DCLK1: variants seen among roughly 807,000 people sequenced by gnomAD.
The protein encoded by DCLK1 is serine/threonine-protein kinase DCLK1.
DCLK1 carries 16 observed loss-of-function variants against 86.2 expected under a neutral mutation model. The observed-to-expected ratio is 0.19, with a 90% CI of 0.13 to 0.28. The LOEUF (loss-of-function observed/expected upper bound fraction) is 0.28. Ranked by LOEUF, DCLK1 falls within the 10% of genes least tolerant of loss-of-function variation. The probability of loss-of-function intolerance (pLI) is 1.00; values close to 1 mark genes in which losing one functional copy is unlikely to be tolerated. For missense variants in DCLK1, 590 were observed against 940.2 expected, an observed-to-expected ratio of 0.63 and a Z score of 4.87; for synonymous variants, 369 against 370.5, an observed-to-expected ratio of 1.00 and a Z score of 0.05.
chr13:35,798,244 G>A (rs2086851406), intron 15 of DCLK1, among the ~76,000 whole-genome samples: 1 of 152,214 alleles, frequency 6.6e-6, no homozygotes, highest in Admixed American at 6.5e-5. Context: ...GGGAACGGAT[G>A]TGAAGTCACT....
chr13:36,014,441 T>TC (rs1881449353), intron 3 of DCLK1, among the ~76,000 whole-genome samples: 1 of 150,540 alleles, frequency 6.6e-6, no homozygotes, highest in Admixed American at 6.7e-5. Context: ...ATAAAAACTG[T>TC]TTTTTTTTAC....
chr13:36,106,177 G>T (rs1885389403), intron 3 of DCLK1, among the ~76,000 whole-genome samples: 1 of 151,574 alleles, frequency 6.6e-6, no homozygotes, highest in South Asian at 2.1e-4. Flanking sequence ...ACCCATAATT[G>T]ATCACATCCT....
At chr13:35,978,935 C>A (rs9531304) in intron 3 of DCLK1, among the ~76,000 whole-genome samples, 14,500 of 152,220 alleles carry the variant, frequency 0.095, 839 homozygotes, top group East Asian at 0.2. Flanking sequence ...GTAATAACCA[C>A]CAATTATTGA....
At chr13:35,781,959 T>A (rs1255209321) in intron 16 of DCLK1, among the ~76,000 whole-genome samples, 2 of 152,174 alleles carry the variant, frequency 1.3e-5, no homozygotes, top group Non-Finnish European at 2.9e-5. Context: ...CTGTTTTGTT[T>A]TGCTTTCATA....
At chr13:36,095,118 A>C (rs1047281537) in intron 3 of DCLK1, among the ~76,000 whole-genome samples, 3 of 151,970 alleles carry the variant, frequency 2.0e-5, no homozygotes, top group African/African-American at 7.3e-5. Flanking sequence ...ATCAGTCATG[A>C]ATGAACACAG....
At chr13:36,000,528 ATAT>A (rs966814469) in intron 3 of DCLK1, among the ~76,000 whole-genome samples, 2 of 151,926 alleles carry the variant, frequency 1.3e-5, no homozygotes, top group Non-Finnish European at 2.9e-5. Context: ...ATCTAAAATA[ATAT>A]TATTAAATAT....
intron 10 of DCLK1, among the ~76,000 whole-genome samples, chr13:35,826,540 A>AGGAAGGAAGGAAGGAGGG (rs1382422000): frequency 1.1e-5 from 1 of 92,754 alleles, no homozygotes; most frequent in Admixed American, 1.2e-4. Flanking sequence ...AAAAAAAAAA[A>AGGAAGGAAGGAAGGAGGG]AAGAAAGAAA....
chr13:35,892,694 G>A (rs753498524), intron 4 of DCLK1, among the ~76,000 whole-genome samples: 2 of 152,128 alleles, frequency 1.3e-5, no homozygotes, highest in East Asian at 1.9e-4. Flanking sequence ...TTTAGTCCAC[G>A]CCTTGCACTC....
At chr13:35,846,111 T>C (rs528138738) in intron 6 of DCLK1, 2 of 985,410 alleles carry the variant, frequency 2.0e-6, no homozygotes, top group South Asian at 4.7e-5. Flanking sequence ...ATGGACTTAG[T>C]TGATGGATTT....
At chr13:35,982,849 C>T (rs192389113) in intron 3 of DCLK1, among the ~76,000 whole-genome samples, 26 of 151,750 alleles carry the variant, frequency 1.7e-4, no homozygotes, top group Non-Finnish European at 3.2e-4. Context: ...GCAACCTCTA[C>T]CTCCTGGGTT....
intron 2 of DCLK1, among the ~76,000 whole-genome samples, chr13:36,117,927 T>C (rs1358435604): frequency 1.3e-5 from 2 of 151,858 alleles, no homozygotes; most frequent in Admixed American, 6.6e-5. Context: ...GGGCTATCTA[T>C]GAAAGGGAAA....
chr13:35,847,741 C>T, intron 6 of DCLK1: 1 of 984,974 alleles, frequency 1.0e-6, no homozygotes, highest in Non-Finnish European at 1.2e-6. Flanking sequence ...ATATATAGTA[C>T]ATCAGCGCTG....
At chr13:35,868,513 G>C (rs187262877) in intron 5 of DCLK1, among the ~76,000 whole-genome samples, 10 of 152,236 alleles carry the variant, frequency 6.6e-5, no homozygotes, top group Admixed American at 3.3e-4. Context: ...GAAGAAGATA[G>C]GAAAGGTTAA....
At chr13:36,122,007 CTG>C (rs1432751717) in intron 2 of DCLK1, among the ~76,000 whole-genome samples, 1 of 152,046 alleles carries the variant, frequency 6.6e-6, no homozygotes, top group Non-Finnish European at 1.5e-5. Context: ...GTGGTCCCCT[CTG>C]AGGAATTTTA....
chr13:35,852,727 C>T lies in DCLK1; in HGVS notation c.1035+1772G>A, dbSNP rs141252969. 9.2e-3 allele frequency among the ~76,000 whole-genome samples: 1,396 copies of T among 152,214 alleles called. 8 individuals carry two copies. The highest frequency in any genetic ancestry group is 0.015 in the Non-Finnish European group (1,054 of 68,008). On this transcript the variant is annotated intron_variant, in intron 6 of 16. Transcript: ENST00000360631. ...GTGGAAATACAGAAAGCAGAAGAAG[C>T]GAATTCTAGCCCCATTCTGCCAAGA...
intron 6 of DCLK1, among the ~76,000 whole-genome samples, chr13:35,853,997 T>C (rs1040436856): frequency 6.6e-6 from 1 of 152,142 alleles, no homozygotes; most frequent in Non-Finnish European, 1.5e-5. Flanking sequence ...TCTCCATAAA[T>C]GCAAGTAGTG....
At chr13:36,027,717 C>T (rs540898036) in intron 3 of DCLK1, among the ~76,000 whole-genome samples, 2 of 152,084 alleles carry the variant, frequency 1.3e-5, no homozygotes, top group Non-Finnish European at 2.9e-5. Context: ...AATCAAATAT[C>T]TATTTTCTTT....
chr13:35,942,427 C>T (rs531875467), intron 4 of DCLK1, among the ~76,000 whole-genome samples: 36 of 152,312 alleles, frequency 2.4e-4, no homozygotes, highest in African/African-American at 8.2e-4. Context: ...TCGTGATCCA[C>T]CCGCCTTGGC....
Position 35,854,497 on chromosome 13 carries a change from A to G in DCLK1, c.1035+2T>C. 1 of 1,597,470 alleles carries G rather than the reference A, an allele frequency of 6.3e-7. No homozygotes were observed. On this transcript the variant is annotated splice_donor_variant, in intron 6 of 16. Coordinates refer to ENST00000360631, the MANE Select transcript of DCLK1 (RefSeq NM_001330071.2). LOFTEE classifies it high-confidence loss of function. ...AAACAAGCAGCTTGCTTATTTCCTT[A>G]CCCTCTGCTTCCGCAGGCTTCCTGG...
Sources: gnomAD v4.1 joint callset for allele counts (sites outside exome capture counted in the v4.1 genomes callset) on GRCh38, gnomAD v4.1.1 for gene constraint, MANE v1.5 for transcripts, NCBI Gene and HGNC (gene_info 2026-07-23, HGNC 2026-07-21) for gene names.